The following ELFN2 variants were observed in gnomAD, a reference collection of about 807,000 sequenced individuals.
ELFN2 encodes the protein protein phosphatase 1 regulatory subunit 29.
Under a neutral mutation model 45.5 loss-of-function variants are expected in ELFN2, and 17 were observed. That is an observed-to-expected ratio of 0.37 (90% CI 0.26 to 0.56). The LOEUF (loss-of-function observed/expected upper bound fraction) is 0.56. Ranked by LOEUF, ELFN2 falls within the 20% of genes least tolerant of loss-of-function variation. ELFN2 has a pLI of 0.77. For synonymous variants in ELFN2, 550 were observed against 551.5 expected (o/e 1.00, Z 0.04); for missense variants, 922 against 1,183.2 (o/e 0.78, Z 3.24).
chr22:37,398,248 A>G (rs1038000980), intron 2 of ELFN2, among the ~76,000 whole-genome samples: 1 of 152,016 alleles, frequency 6.6e-6, no homozygotes, highest in African/African-American at 2.4e-5. Flanking sequence ...TCACTAAACA[A>G]CATTATTTTT....
At position 37,372,922 on chromosome 22, in the gene ELFN2, G is replaced by T; in HGVS notation, c.*150C>A. 1.3e-6 allele frequency: 1 copy of T among 761,006 alleles called. No individual in the cohort carries two copies. The highest frequency in any genetic ancestry group is 2.1e-6 in the Non-Finnish European group (1 of 485,100). 47.1% of individuals were successfully genotyped at this position (761,006 alleles called of 1,614,324 possible). On this transcript the variant is annotated 3_prime_UTR_variant, in exon 3 of 3. Transcript: ENST00000402918. The surrounding 1 kb of genome is among the most constrained non-coding windows in gnomAD (Gnocchi z 4.4). Reference sequence around the variant, plus strand: ...GTTCACAGTCGGGTGGTGGTCAGGTGTGTGTGTGCGTGCGTGCGTGCGGGT... The same window carrying T: ...GTTCACAGTCGGGTGGTGGTCAGGTTTGTGTGTGCGTGCGTGCGTGCGGGT...
intron 1 of ELFN2, among the ~76,000 whole-genome samples, chr22:37,357,538 G>C (rs1306906586): frequency 6.6e-6 from 1 of 152,066 alleles, no homozygotes; most frequent in Admixed American, 6.6e-5. Flanking sequence ...ACTTCTTATG[G>C]GGAACTCACT....
At position 37,351,719 on chromosome 22, in the gene ELFN2, C is replaced by T. The variant is rs924048340; in HGVS notation, n.149-9016G>A. 8.0e-5 allele frequency among the ~76,000 whole-genome samples: 12 copies of T among 150,808 alleles called. 1 individual carries two copies. The highest frequency in any genetic ancestry group is 2.9e-4 in the African/African-American group (12 of 41,362). On this transcript the variant is annotated intron_variant and non_coding_transcript_variant, in intron 1 of 2. Transcript: ENST00000452946. ...TACCTGTGAAGTGAGGCTCCACCTC[C>T]GAGCCCTTCCCGCTCAGACTGTGTG...
At chr22:37,410,834 G>A (rs1029641815) in intron 2 of ELFN2, among the ~76,000 whole-genome samples, 4 of 152,168 alleles carry the variant, frequency 2.6e-5, no homozygotes, top group East Asian at 1.9e-4. Flanking sequence ...AAAGCCCATC[G>A]GCTCCTTCCA....
intron 1 of ELFN2, among the ~76,000 whole-genome samples, chr22:37,421,758 AT>A (rs2145692344): frequency 1.3e-5 from 2 of 152,260 alleles, no homozygotes; most frequent in African/African-American, 4.8e-5. Context: ...TTTAATAAGT[AT>A]TTTTTGAGGG....
chr22:37,421,268 G>T (rs774753574), intron 1 of ELFN2, among the ~76,000 whole-genome samples: 1 of 152,126 alleles, frequency 6.6e-6, no homozygotes, highest in African/African-American at 2.4e-5. Flanking sequence ...CCCCACCCAG[G>T]GGTAGGCAGG....
At chr22:37,343,518 G>A (rs562067367) in intron 1 of ELFN2, among the ~76,000 whole-genome samples, 36 of 152,138 alleles carry the variant, frequency 2.4e-4, no homozygotes, top group African/African-American at 8.0e-4. Context: ...CTCCACTGTC[G>A]GTTTCACGCC....
In ELFN2 at chr22:37,368,196, G is replaced by A. The variant is rs528004862; in HGVS notation, c.*4876C>T. 2.0e-5 allele frequency: 3 copies of A among 152,358 alleles called. No individual in the cohort carries two copies. Among genetic ancestry groups the A allele is most frequent in the African/African-American group, 7.2e-5 (3 of 41,570 alleles). 9.4% of individuals were successfully genotyped at this position (152,358 alleles called of 1,614,324 possible). A position where few individuals can be genotyped will look rare whatever the true frequency, so the allele number is the denominator to read the frequency against. Reference sequence around the variant, plus strand: ...TTCGTAACACAGCAAGGGTTCACAGGTTCAGAGCCCAGGGCCTGAGCCCAG... The same window carrying A: ...TTCGTAACACAGCAAGGGTTCACAGATTCAGAGCCCAGGGCCTGAGCCCAG... On this transcript the variant is annotated 3_prime_UTR_variant, in exon 3 of 3. Coordinates refer to ENST00000402918, the MANE Select transcript of ELFN2 (RefSeq NM_052906.5).
At chr22:37,405,510 A>T (rs540477318) in intron 2 of ELFN2, among the ~76,000 whole-genome samples, 4 of 152,234 alleles carry the variant, frequency 2.6e-5, no homozygotes, top group Admixed American at 1.3e-4. Context: ...TGCCTGGGAC[A>T]TAGCAAGCAC....
downstream of ELFN2, among the ~76,000 whole-genome samples, chr22:37,363,624 C>A (rs1022879400): frequency 2.6e-5 from 4 of 152,030 alleles, no homozygotes; most frequent in Non-Finnish European, 5.9e-5. Flanking sequence ...GGGCCCTAGG[C>A]CTAGGGAAGG....
At chr22:37,379,791 C>T (rs1931696428) in intron 2 of ELFN2, among the ~76,000 whole-genome samples, 2 of 152,264 alleles carry the variant, frequency 1.3e-5, no homozygotes, top group Middle Eastern at 3.4e-3. Context: ...CAGCAAATGC[C>T]TCCCCTCTCC....
At chr22:37,394,830 C>T (rs887152028) in intron 2 of ELFN2, among the ~76,000 whole-genome samples, 4 of 152,180 alleles carry the variant, frequency 2.6e-5, no homozygotes, top group Non-Finnish European at 4.4e-5. Context: ...TCAGGCCAGG[C>T]GCAATGGCTC....
intron 1 of ELFN2, among the ~76,000 whole-genome samples, chr22:37,348,405 G>A (rs1261228228): frequency 6.6e-6 from 1 of 151,320 alleles, no homozygotes; most frequent in South Asian, 2.1e-4. Context: ...CCCTGTGTTA[G>A]GGGGCAGGGA....
intron 2 of ELFN2, among the ~76,000 whole-genome samples, chr22:37,395,204 G>A (rs1932184019): frequency 6.6e-6 from 1 of 152,044 alleles, no homozygotes; most frequent in African/African-American, 2.4e-5. Flanking sequence ...AGACAAAGTG[G>A]CCTCACAGCG....
intron 2 of ELFN2, among the ~76,000 whole-genome samples, chr22:37,376,763 G>T (rs1931596009): frequency 6.6e-6 from 1 of 152,180 alleles, no homozygotes; most frequent in South Asian, 2.1e-4. Flanking sequence ...ACTCTGGGAG[G>T]CCAGAGGTAC....
chr22:37,388,234 A>G (rs1932004107), intron 2 of ELFN2, among the ~76,000 whole-genome samples: 1 of 151,700 alleles, frequency 6.6e-6, no homozygotes, highest in South Asian at 2.1e-4. Context: ...CCCAGCCCAC[A>G]TGGTCTTGTG....
chr22:37,410,694 TC>T (rs1932626236), intron 2 of ELFN2, among the ~76,000 whole-genome samples: 1 of 151,806 alleles, frequency 6.6e-6, no homozygotes, highest in African/African-American at 2.4e-5. Context: ...TCTCACCTAA[TC>T]CCCATCACAG....
intron 2 of ELFN2, among the ~76,000 whole-genome samples, chr22:37,412,394 T>C (rs1932670443): frequency 6.6e-6 from 1 of 151,542 alleles, no homozygotes; most frequent in Non-Finnish European, 1.5e-5. Context: ...TGAGGCTCTA[T>C]CTCCCTCAGA....
chr22:37,410,942 C>G (rs888302682), intron 2 of ELFN2, among the ~76,000 whole-genome samples: 11 of 152,222 alleles, frequency 7.2e-5, no homozygotes, highest in African/African-American at 2.4e-4. Flanking sequence ...CAGGCCCCAG[C>G]CTGTCTCCAG....
Sources: allele counts gnomAD v4.1 joint callset (sites outside exome capture counted in the v4.1 genomes callset), GRCh38; gene constraint gnomAD v4.1.1; non-coding constraint Gnocchi (gnomAD v3.1); transcripts MANE v1.5; gene names NCBI Gene and HGNC (gene_info 2026-07-23, HGNC 2026-07-21).